NRG3: variants seen among roughly 807,000 people sequenced by gnomAD.
NRG3 encodes pro-neuregulin-3, membrane-bound isoform.
In NRG3, 31 loss-of-function variants were observed where a neutral mutation model predicts 66.9. That is an observed-to-expected ratio of 0.46 (90% CI 0.35 to 0.63). NRG3 has a LOEUF of 0.63. Among genes scored for constraint, NRG3 ranks in the 20% least tolerant of loss-of-function variants. The pLI is 0.00. For missense variants in NRG3, 910 were observed against 878.9 expected, an observed-to-expected ratio of 1.04 and a Z score of -0.45; for synonymous variants, 393 against 359.4, an observed-to-expected ratio of 1.09 and a Z score of -1.06.
chr10:81,928,939 A>T (rs1407666746), intron 1 of NRG3, among the ~76,000 whole-genome samples: 1 of 152,122 alleles, frequency 6.6e-6, no homozygotes, highest in African/African-American at 2.4e-5. Context: ...CTCCCACCTG[A>T]GCCTTCCAAG....
intron 1 of NRG3, among the ~76,000 whole-genome samples, chr10:82,039,513 T>C (rs2062935699): frequency 1.3e-5 from 2 of 152,086 alleles, no homozygotes; most frequent in South Asian, 4.1e-4. Context: ...AAAATTTCAG[T>C]AGCAAGTTAG....
At chr10:82,767,720 TTAACTA>T (rs1303309954) in intron 3 of NRG3, among the ~76,000 whole-genome samples, 21 of 152,242 alleles carry the variant, frequency 1.4e-4, no homozygotes, top group Non-Finnish European at 2.6e-4. Flanking sequence ...TCTTTTTATC[TTAACTA>T]TAACACTGTA....
intron 1 of NRG3, among the ~76,000 whole-genome samples, chr10:82,001,534 C>T (rs553805739): frequency 2.0e-5 from 3 of 149,780 alleles, no homozygotes; most frequent in East Asian, 3.9e-4. Context: ...AAAGGGGAAA[C>T]GAGGAAAGAA....
chr10:82,502,994 A>C (rs1347651693), intron 2 of NRG3, among the ~76,000 whole-genome samples: 1 of 152,202 alleles, frequency 6.6e-6, no homozygotes, highest in Non-Finnish European at 1.5e-5. Flanking sequence ...TGTGAAGAGT[A>C]TATGACTAAA....
chr10:82,233,369 A>C (rs2076593282), intron 1 of NRG3, among the ~76,000 whole-genome samples: 2 of 152,182 alleles, frequency 1.3e-5, no homozygotes, highest in African/African-American at 2.4e-5. Flanking sequence ...CATCTCAAAA[A>C]CAAAACAAAA....
chr10:82,875,585 T>C (rs547770668), intron 4 of NRG3, among the ~76,000 whole-genome samples: 7 of 152,292 alleles, frequency 4.6e-5, no homozygotes, highest in African/African-American at 1.7e-4. Context: ...ATCAAACTCC[T>C]GTGCTCAAGA....
At chr10:82,044,517 A>G (rs1471486991) in intron 1 of NRG3, among the ~76,000 whole-genome samples, 1 of 152,048 alleles carries the variant, frequency 6.6e-6, no homozygotes, top group Non-Finnish European at 1.5e-5. Flanking sequence ...CAGCGACCCC[A>G]GCTGGAAATC....
At chr10:82,418,383 C>A (rs2088756367) in intron 2 of NRG3, among the ~76,000 whole-genome samples, 1 of 145,444 alleles carries the variant, frequency 6.9e-6, no homozygotes, top group Admixed American at 6.7e-5. Flanking sequence ...AAAAAATTAA[C>A]CAGTTTATGC....
chr10:82,005,316 C>A (rs1273298836), intron 1 of NRG3, among the ~76,000 whole-genome samples: 2 of 152,184 alleles, frequency 1.3e-5, no homozygotes, highest in African/African-American at 2.4e-5. Flanking sequence ...ATAAGACTTA[C>A]AACACTTAAA....
chr10:82,457,273 G>T (rs2091308655), intron 2 of NRG3, among the ~76,000 whole-genome samples: 1 of 152,140 alleles, frequency 6.6e-6, no homozygotes, highest in Non-Finnish European at 1.5e-5. Flanking sequence ...CAGACAGGTG[G>T]TAGGGGAATA....
At chr10:82,515,292 C>A (rs1040512810) in intron 2 of NRG3, among the ~76,000 whole-genome samples, 4 of 152,114 alleles carry the variant, frequency 2.6e-5, no homozygotes, top group African/African-American at 9.7e-5. Context: ...ACCCAAGGAA[C>A]CTTATTTAAA....
At chr10:82,687,989 G>A (rs989193584) in intron 2 of NRG3, among the ~76,000 whole-genome samples, 2 of 152,058 alleles carry the variant, frequency 1.3e-5, no homozygotes, top group African/African-American at 4.8e-5. Context: ...CTCCTGCCAG[G>A]CACCTCACAT....
At position 81,930,806 on chromosome 10, in the gene NRG3, G is replaced by C. The variant is rs149255938; in HGVS notation, c.823+54643G>C. 4.6e-3 allele frequency among the ~76,000 whole-genome samples: 704 copies of C among 152,282 alleles called. 13 individuals carry two copies. Among genetic ancestry groups the C allele is most frequent in the African/African-American group, 0.016 (680 of 41,556 alleles). On this transcript the variant is annotated intron_variant, in intron 1 of 8. Coordinates refer to ENST00000372141, the MANE Select transcript of NRG3 (RefSeq NM_001010848.4). Reference sequence around the variant, plus strand: ...CAGCACATAGGTTACATGTTATGGTGATGAATCTGTAGCTCCTCCCAGCGT... The same window carrying C: ...CAGCACATAGGTTACATGTTATGGTCATGAATCTGTAGCTCCTCCCAGCGT...
chr10:82,706,806 C>T (rs2134346252), intron 2 of NRG3, among the ~76,000 whole-genome samples: 1 of 151,858 alleles, frequency 6.6e-6, no homozygotes, highest in East Asian at 1.9e-4. Context: ...CCAGCCTGAC[C>T]AACATGTTGA....
In NRG3 at chr10:82,336,443, G is replaced by T. The variant is rs565149055; in HGVS notation, c.824-22296G>T. Among the ~76,000 whole-genome samples the T allele has an allele frequency of 3.8e-4, 57 of 151,938 alleles. No individual in the cohort carries two copies. In the South Asian group the frequency reaches 0.011, roughly 30 times the overall value. On this transcript the variant is annotated intron_variant, in intron 1 of 8. Transcript: ENST00000372141. ...CTAGCCTACTATCTGTGCTTAAATT[G>T]GAATTTCTGTTAAAAATTCCGAATT...
chr10:82,958,036 G>C (rs1850242885), intron 5 of NRG3, among the ~76,000 whole-genome samples: 1 of 152,178 alleles, frequency 6.6e-6, no homozygotes, highest in Non-Finnish European at 1.5e-5. Context: ...TGTAGGCACT[G>C]AGTGACCCAG....
At chr10:82,073,991 C>A (rs896001623) in intron 1 of NRG3, among the ~76,000 whole-genome samples, 3 of 151,100 alleles carry the variant, frequency 2.0e-5, no homozygotes, top group Non-Finnish European at 1.5e-5. Flanking sequence ...AATAAGTAAA[C>A]GAGTATATTT....
At chr10:82,077,004 T>A (rs1313924922) in intron 1 of NRG3, among the ~76,000 whole-genome samples, 1 of 152,234 alleles carries the variant, frequency 6.6e-6, no homozygotes, top group South Asian at 2.1e-4. Flanking sequence ...CATTGTTTTT[T>A]GATCTATGCT....
At chr10:81,876,508 C>A (rs1490422061) in intron 1 of NRG3, among the ~76,000 whole-genome samples, 1 of 152,150 alleles carries the variant, frequency 6.6e-6, no homozygotes, top group African/African-American at 2.4e-5. Flanking sequence ...TGCCGGATCC[C>A]GCTCCAGTAG....
Sources: gnomAD v4.1 joint callset for allele counts (sites outside exome capture counted in the v4.1 genomes callset) on GRCh38, gnomAD v4.1.1 for gene constraint, MANE v1.5 for transcripts, NCBI Gene and HGNC (gene_info 2026-07-23, HGNC 2026-07-21) for gene names.